Variants in RIT2 observed in about 807,000 individuals in gnomAD.
RIT2 encodes the protein Ras like without CAAX 2.
RIT2 carries 24 observed loss-of-function variants against 23.7 expected under a neutral mutation model. That is an observed-to-expected ratio of 1.01 (90% CI 0.73 to 1.43). The LOEUF (loss-of-function observed/expected upper bound fraction) is 1.43. Ranked by LOEUF, RIT2 falls within the 40% of genes most tolerant of loss-of-function variation. The probability of loss-of-function intolerance (pLI) is 0.00; values close to 1 mark genes in which losing one functional copy is unlikely to be tolerated. For missense variants in RIT2, 236 were observed against 266.9 expected (o/e 0.88, Z 0.81); for synonymous variants, 107 against 91.1 (o/e 1.17, Z -0.99).
intron 2 of RIT2, among the ~76,000 whole-genome samples, chr18:42,996,471 T>G (rs1598742651): frequency 6.6e-6 from 1 of 152,100 alleles, no homozygotes; most frequent in East Asian, 1.9e-4. Context: ...GATGGCCCAT[T>G]CCTGCATTAA....
At chr18:42,867,173 CATTA>C (rs1469049062) in intron 4 of RIT2, among the ~76,000 whole-genome samples, 1 of 152,166 alleles carries the variant, frequency 6.6e-6, no homozygotes, top group South Asian at 2.1e-4. Context: ...AACATGAGAA[CATTA>C]ATTAAATGTG....
At chr18:43,057,266 A>G (rs929717959) in intron 1 of RIT2, among the ~76,000 whole-genome samples, 19 of 152,062 alleles carry the variant, frequency 1.2e-4, no homozygotes, top group African/African-American at 4.3e-4. Context: ...GCCCTCTTTG[A>G]TACCACAATC....
intron 4 of RIT2, among the ~76,000 whole-genome samples, chr18:42,892,626 C>A (rs1012377033): frequency 3.3e-5 from 5 of 152,124 alleles, no homozygotes; most frequent in African/African-American, 4.8e-5. Flanking sequence ...GAAGAAAATA[C>A]CCCAGTCATT....
intron 4 of RIT2, among the ~76,000 whole-genome samples, chr18:42,758,085 C>A (rs951573372): frequency 6.6e-6 from 1 of 151,574 alleles, no homozygotes; most frequent in Middle Eastern, 3.2e-3. Context: ...ATAACAGCCC[C>A]TTTGGTTTCA....
At chr18:43,093,027 G>A (rs958088354) in intron 1 of RIT2, among the ~76,000 whole-genome samples, 2 of 152,100 alleles carry the variant, frequency 1.3e-5, no homozygotes, top group South Asian at 2.1e-4. Context: ...AATAGCTATC[G>A]TAATTGTTTT....
chr18:43,000,962 G>A (rs1419583012), intron 2 of RIT2, among the ~76,000 whole-genome samples: 1 of 152,048 alleles, frequency 6.6e-6, no homozygotes, highest in Non-Finnish European at 1.5e-5. Flanking sequence ...GTAGGGGGTT[G>A]CATTGGGAAA....
chr18:42,983,816 A>C (rs1286866282), intron 2 of RIT2, among the ~76,000 whole-genome samples: 2 of 152,110 alleles, frequency 1.3e-5, no homozygotes, highest in African/African-American at 4.8e-5. Context: ...ATATCTCTAC[A>C]TACCTAACAG....
chr18:42,966,034 CT>C (rs1367698779), intron 3 of RIT2, among the ~76,000 whole-genome samples: 1 of 152,108 alleles, frequency 6.6e-6, no homozygotes, highest in African/African-American at 2.4e-5. Context: ...CACTTAACCT[CT>C]TCTGAGCCCC....
At position 42,815,487 on chromosome 18, in the gene RIT2, C is replaced by T. The variant is rs181164138; in HGVS notation, c.427-71767G>A. 1.8e-3 allele frequency among the ~76,000 whole-genome samples: 277 copies of T among 152,260 alleles called. 2 individuals carry two copies. Among genetic ancestry groups the T allele is most frequent in the African/African-American group, 6.4e-3 (264 of 41,556 alleles). ...TCTGGGATTATGTTAAACGACCAAA[C>T]TTAAGAATTATCACTGTTCCCAAGG... On this transcript the variant is annotated intron_variant, in intron 4 of 4. Coordinates refer to ENST00000326695, the MANE Select transcript of RIT2 (RefSeq NM_002930.4).
intron 3 of RIT2, among the ~76,000 whole-genome samples, chr18:42,957,031 A>G (rs1909988380): frequency 6.6e-6 from 1 of 152,192 alleles, no homozygotes; most frequent in African/African-American, 2.4e-5. Flanking sequence ...AAGACCTCTT[A>G]GGGACAATAG....
intron 2 of RIT2, among the ~76,000 whole-genome samples, chr18:43,019,726 GA>G (rs1220654171): frequency 7.2e-5 from 11 of 151,904 alleles, no homozygotes; most frequent in Non-Finnish European, 1.5e-5. Context: ...ACAACAAATT[GA>G]AAATCAGTAA....
At chr18:42,883,194 G>A (rs891776117) in intron 4 of RIT2, among the ~76,000 whole-genome samples, 1 of 152,044 alleles carries the variant, frequency 6.6e-6, no homozygotes, top group Non-Finnish European at 1.5e-5. Flanking sequence ...GGCAGACCTG[G>A]TGTGCTAGCA....
intron 4 of RIT2, among the ~76,000 whole-genome samples, chr18:42,825,317 G>C (rs17634573): frequency 0.11 from 15,968 of 151,756 alleles, 981 homozygotes; most frequent in Middle Eastern, 0.24. Flanking sequence ...TTAGTTCTAA[G>C]CTTTTAACAG....
intron 4 of RIT2, among the ~76,000 whole-genome samples, chr18:42,855,962 T>C (rs768323186): frequency 5.9e-4 from 90 of 152,230 alleles, no homozygotes; most frequent in Non-Finnish European, 1.0e-3. Context: ...ATGTTGGGGC[T>C]CAAAAAATAC....
intron 2 of RIT2, among the ~76,000 whole-genome samples, chr18:42,990,302 CCAT>C (rs1243207594): frequency 1.3e-5 from 2 of 151,978 alleles, no homozygotes; most frequent in Non-Finnish European, 2.9e-5. Flanking sequence ...TGAATGGGGC[CCAT>C]CCACATTAGG....
At position 42,840,517 on chromosome 18, in the gene RIT2, T is replaced by G. The variant is rs111281616; in HGVS notation, c.426+83055A>C. Reference sequence around the variant, plus strand: ...CATTGCTTTTAACTTTTTTATTTTTTCAAAGACGGAGTTTTGCTCTTGATG... The same window carrying G: ...CATTGCTTTTAACTTTTTTATTTTTGCAAAGACGGAGTTTTGCTCTTGATG... On this transcript the variant is annotated intron_variant, in intron 4 of 4. Coordinates refer to ENST00000326695, the MANE Select transcript of RIT2 (RefSeq NM_002930.4). Among the ~76,000 whole-genome samples the G allele has an allele frequency of 2.9e-3, 434 of 152,148 alleles. 5 individuals are homozygous for G. The highest frequency in any genetic ancestry group is 0.01 in the African/African-American group (417 of 41,484).
chr18:42,782,945 C>T (rs1024410959), intron 4 of RIT2, among the ~76,000 whole-genome samples: 1 of 152,016 alleles, frequency 6.6e-6, no homozygotes, highest in African/African-American at 2.4e-5. Flanking sequence ...AATGCAATAA[C>T]AGAGGAAGGT....
At chr18:42,920,018 G>T (rs1378043829) in intron 4 of RIT2, among the ~76,000 whole-genome samples, 1 of 152,090 alleles carries the variant, frequency 6.6e-6, no homozygotes, top group East Asian at 1.9e-4. Flanking sequence ...CAACTTTCCA[G>T]TAATTTTGAA....
chr18:43,054,355 G>A (rs1477845658), intron 1 of RIT2, among the ~76,000 whole-genome samples: 1 of 152,102 alleles, frequency 6.6e-6, no homozygotes, highest in Non-Finnish European at 1.5e-5. Context: ...AGATTAGGAA[G>A]AGTTAGGAAT....
Sources: allele counts gnomAD v4.1 joint callset (sites outside exome capture counted in the v4.1 genomes callset), GRCh38; gene constraint gnomAD v4.1.1; transcripts MANE v1.5; gene names NCBI Gene and HGNC (gene_info 2026-07-23, HGNC 2026-07-21).